Variants in ZFHX3 observed in about 807,000 individuals in gnomAD.
ZFHX3 encodes zinc finger homeobox protein 3.
Under a neutral mutation model 279.1 loss-of-function variants are expected in ZFHX3, and 42 were observed. The observed-to-expected ratio is 0.15, with a 90% CI of 0.12 to 0.19. The LOEUF is 0.19. Ranked by LOEUF, ZFHX3 falls within the 10% of genes least tolerant of loss-of-function variation. The pLI, the probability that ZFHX3 is intolerant of heterozygous loss-of-function variation, is 1.00. For missense variants in ZFHX3, 4,981 were observed against 4,754.0 expected (o/e 1.05, Z -1.40); for synonymous variants, 2,293 against 1,957.8 (o/e 1.17, Z -4.52).
chr16:73,647,046 A>C (rs543479633), intron 2 of ZFHX3, among the ~76,000 whole-genome samples: 2 of 147,070 alleles, frequency 1.4e-5, no homozygotes, highest in South Asian at 2.2e-4. Context: ...TTGAGACGGA[A>C]CTCTGTTGCC....
intron 2 of ZFHX3, among the ~76,000 whole-genome samples, chr16:73,658,692 C>T (rs1270427148): frequency 6.6e-6 from 1 of 152,080 alleles, no homozygotes; most frequent in African/African-American, 2.4e-5. Flanking sequence ...TTTAATAATA[C>T]CAAGTCTTCT....
intron 1 of ZFHX3, among the ~76,000 whole-genome samples, chr16:73,777,162 G>A (rs996842159): frequency 1.2e-4 from 18 of 152,138 alleles, no homozygotes; most frequent in African/African-American, 4.3e-4. Flanking sequence ...TGCAGGGCAA[G>A]GATCCCTGTC....
At chr16:73,575,820 A>G (rs2051793613) in intron 2 of ZFHX3, among the ~76,000 whole-genome samples, 1 of 152,052 alleles carries the variant, frequency 6.6e-6, no homozygotes, top group South Asian at 2.1e-4. Flanking sequence ...GGGCCATGTG[A>G]GTCTATCTCA....
intron 4 of ZFHX3, among the ~76,000 whole-genome samples, chr16:72,875,857 AAC>A (rs1381613127): frequency 1.3e-5 from 2 of 152,198 alleles, no homozygotes; most frequent in African/African-American, 4.8e-5. Flanking sequence ...TGGAATTCCA[AAC>A]AGTCACGCCT....
intron 2 of ZFHX3, among the ~76,000 whole-genome samples, chr16:73,485,509 C>G (rs1345079187): frequency 1.3e-5 from 2 of 151,806 alleles, no homozygotes; most frequent in Admixed American, 6.6e-5. Flanking sequence ...AAATACTCTA[C>G]CATTTGGGGA....
intron 2 of ZFHX3, among the ~76,000 whole-genome samples, chr16:73,663,665 G>T (rs1260242754): frequency 6.6e-6 from 1 of 152,320 alleles, no homozygotes; most frequent in African/African-American, 2.4e-5. Flanking sequence ...ATGTGTCTGG[G>T]ACAAAGGAGA....
intron 5 of ZFHX3, among the ~76,000 whole-genome samples, chr16:73,151,175 C>A (rs1012956203): frequency 2.0e-5 from 3 of 152,070 alleles, no homozygotes; most frequent in East Asian, 1.9e-4. Context: ...TAAGGGCGAC[C>A]AAATCCCCAA....
At position 72,797,888 on chromosome 16, in the gene ZFHX3, A is replaced by G; in HGVS notation, c.4794T>C (p.Cys1598=). 1 of 1,614,158 alleles carries G rather than the reference A, an allele frequency of 6.2e-7. No individual in the cohort carries two copies. The highest frequency in any genetic ancestry group is 8.5e-7 in the Non-Finnish European group (1 of 1,180,032). ...GGCTGTAGGCCACATTACAAGTGTT[A>G]CACTTAAAAGGTTTGTTGTCTGGGC... ...TSSPDNKPFK[C]NTCNVAYSQS... Residue 1598 remains cysteine, a synonymous_variant, in exon 9 of 10, where the codon TGT becomes TGC. Coordinates refer to ENST00000268489, the MANE Select transcript of ZFHX3 (RefSeq NM_006885.4).
intron 1 of ZFHX3, among the ~76,000 whole-genome samples, chr16:73,712,001 G>A (rs2053367796): frequency 1.3e-5 from 2 of 152,234 alleles, no homozygotes; most frequent in South Asian, 4.1e-4. Context: ...AAGAAAGCAG[G>A]AATGCATCAA....
intron 1 of ZFHX3, among the ~76,000 whole-genome samples, chr16:72,999,013 C>T (rs1963395843): frequency 6.6e-6 from 1 of 152,198 alleles, no homozygotes; most frequent in Non-Finnish European, 1.5e-5. Context: ...GCCACATAAA[C>T]ATCTCCTCAT....
intron 7 of ZFHX3, among the ~76,000 whole-genome samples, chr16:73,112,860 C>A (rs183247684): frequency 6.6e-6 from 1 of 152,136 alleles, no homozygotes; most frequent in East Asian, 1.9e-4. Flanking sequence ...AGCTGCTGCC[C>A]CTGGGGCCTG....
intron 7 of ZFHX3, among the ~76,000 whole-genome samples, chr16:73,128,417 A>G (rs561719130): frequency 1.3e-4 from 20 of 152,330 alleles, no homozygotes; most frequent in Admixed American, 5.2e-4. Context: ...TTAATTTTAC[A>G]ATCATGAAAC....
intron 1 of ZFHX3, among the ~76,000 whole-genome samples, chr16:73,720,839 G>A (rs1597081357): frequency 6.6e-6 from 1 of 152,096 alleles, no homozygotes; most frequent in Non-Finnish European, 1.5e-5. Flanking sequence ...TAGGGTACAA[G>A]GTTCATTTTT....
chr16:73,166,313 T>C (rs1390098029), intron 5 of ZFHX3, among the ~76,000 whole-genome samples: 1 of 152,140 alleles, frequency 6.6e-6, no homozygotes, highest in Non-Finnish European at 1.5e-5. Context: ...TCTGTGGCCC[T>C]CTAAAAGGAA....
chr16:72,879,750 C>G lies in ZFHX3; in HGVS notation c.3448+9981G>C, dbSNP rs181141525. Among the ~76,000 whole-genome samples, 750 of 152,316 alleles carry G rather than the reference C, an allele frequency of 4.9e-3. 20 individuals carry two copies. Among genetic ancestry groups the G allele is most frequent in the East Asian group, 2.5e-3 (13 of 5,166 alleles). On this transcript the variant is annotated intron_variant, in intron 4 of 9. Transcript: ENST00000268489. ...AAGGAGTTTTTATTTCTATAAATCCCTCCAACAGGAGCCTAACACAGGCCA... is the reference window on the plus strand; with the variant it reads ...AAGGAGTTTTTATTTCTATAAATCCGTCCAACAGGAGCCTAACACAGGCCA...
chr16:73,473,359 A>AAAC (rs2018707290), intron 2 of ZFHX3, among the ~76,000 whole-genome samples: 1 of 44,896 alleles, frequency 2.2e-5, no homozygotes, highest in African/African-American at 9.9e-5. Flanking sequence ...AAAAAAAAAC[A>AAAC]AAAAAAAAAA....
chr16:72,917,793 A>C (rs1322086517), intron 3 of ZFHX3, among the ~76,000 whole-genome samples: 1 of 152,220 alleles, frequency 6.6e-6, no homozygotes, highest in Non-Finnish European at 1.5e-5. Flanking sequence ...TGCATTTCCA[A>C]AATTTTTTTT....
At chr16:73,326,019 G>A (rs543470895) in intron 3 of ZFHX3, among the ~76,000 whole-genome samples, 2 of 152,020 alleles carry the variant, frequency 1.3e-5, no homozygotes, top group South Asian at 4.2e-4. Flanking sequence ...ACACTAAGAA[G>A]GTGGCATTTG....
intron 3 of ZFHX3, among the ~76,000 whole-genome samples, chr16:73,364,966 C>T (rs2016505131): frequency 6.6e-6 from 1 of 152,212 alleles, no homozygotes; most frequent in Admixed American, 6.5e-5. Flanking sequence ...CCACCCCACC[C>T]CCTCCTTTTT....
Sources: gnomAD v4.1 joint callset for allele counts (sites outside exome capture counted in the v4.1 genomes callset) on GRCh38, gnomAD v4.1.1 for gene constraint, MANE v1.5 for transcripts, NCBI Gene and HGNC (gene_info 2026-07-23, HGNC 2026-07-21) for gene names.